The following CDH23 variants were observed in gnomAD, a reference collection of about 807,000 sequenced individuals.
CDH23 encodes the protein cadherin related 23, also known as cadherin-23.
A neutral mutation model predicts 317.1 loss-of-function variants in CDH23; 189 were observed. The ratio of observed to expected loss-of-function variants is 0.60; its 90% CI spans 0.53 to 0.67. The LOEUF is 0.67. Among genes scored for constraint, CDH23 ranks in the 30% least tolerant of loss-of-function variants. The pLI is 0.00. For synonymous variants in CDH23, 1,839 were observed against 1,876.8 expected, an observed-to-expected ratio of 0.98 and a Z score of 0.52; for missense variants, 4,401 against 4,592.4, an observed-to-expected ratio of 0.96 and a Z score of 1.20.
intron 44 of CDH23, among the ~76,000 whole-genome samples, chr10:71,788,150 C>T (rs1463706813): frequency 3.9e-5 from 6 of 152,248 alleles, no homozygotes; most frequent in Admixed American, 1.3e-4. Context: ...TGGGTTCAAG[C>T]GATTCTCCTG....
At chr10:71,542,859 G>C (rs1856059594) in intron 6 of CDH23, among the ~76,000 whole-genome samples, 1 of 152,242 alleles carries the variant, frequency 6.6e-6, no homozygotes, top group Middle Eastern at 3.2e-3. Context: ...GGTTCTTCGA[G>C]GCTCTGAACA....
At chr10:71,704,222 C>T (rs1233232694) in intron 24 of CDH23, among the ~76,000 whole-genome samples, 2 of 152,148 alleles carry the variant, frequency 1.3e-5, no homozygotes, top group Admixed American at 1.3e-4. Flanking sequence ...ATCCAAAACT[C>T]TTATTTTATT....
chr10:71,570,836 T>C lies in CDH23; in HGVS notation c.671T>C (p.Ile224Thr). The change falls in exon 8 of 70, where the codon ATC (isoleucine) becomes ACC (threonine). Residue 224 changes from isoleucine (I) to threonine (T), a missense_variant. Transcript: ENST00000224721. The part of the protein sequence containing the change: ...RPLSTLANLA[I>T]IITDVQDMDP... ...CTGTCCACCCTGGCCAACTTGGCCA[T>C]CATCATCACAGATGTCCAGGACATG... The C allele has an allele frequency of 6.2e-7, 1 of 1,613,970 alleles. No individual in the cohort carries two copies.
rs747293483 is a variant in CDH23 at position 71,785,498 on chromosome 10, G to A, written c.5713-133G>A. On this transcript the variant is annotated intron_variant, in intron 43 of 69. Transcript: ENST00000224721. ...ACTCTCGCCCCGGCGAGACCCTGCC[G>A]ACCCACATTTTTGGCCTTCTAGATC... 5 of 653,854 alleles carry A rather than the reference G, an allele frequency of 7.6e-6. No homozygotes were observed. The South Asian group carries it at 8.9e-5, about 12-fold the overall frequency. 40.5% of individuals were successfully genotyped at this position (653,854 alleles called of 1,614,324 possible). A position where few individuals can be genotyped will look rare whatever the true frequency, so the allele number is the denominator to read the frequency against.
At chr10:71,662,080 G>C (rs188652288) in intron 14 of CDH23, among the ~76,000 whole-genome samples, 1 of 151,422 alleles carries the variant, frequency 6.6e-6, no homozygotes, top group East Asian at 2.0e-4. Flanking sequence ...TATATTTCCC[G>C]CGTGGGACTT....
intron 7 of CDH23, among the ~76,000 whole-genome samples, chr10:71,570,268 C>A (rs976628794): frequency 6.6e-6 from 1 of 152,132 alleles, no homozygotes; most frequent in Non-Finnish European, 1.5e-5. Flanking sequence ...GACACAGGTG[C>A]CAGATTAATC....
At chr10:71,421,249 G>A (rs1012286671) in intron 1 of CDH23, among the ~76,000 whole-genome samples, 3 of 152,176 alleles carry the variant, frequency 2.0e-5, no homozygotes, top group Non-Finnish European at 2.9e-5. Context: ...AGCCAGGAGC[G>A]GTTCCACTCC....
intron 3 of CDH23, among the ~76,000 whole-genome samples, chr10:71,474,900 G>A (rs1851709121): frequency 6.6e-6 from 1 of 152,200 alleles, no homozygotes; most frequent in Non-Finnish European, 1.5e-5. Flanking sequence ...TTCTTTCTGA[G>A]CCTTAGTTTC....
intron 22 of CDH23, among the ~76,000 whole-genome samples, chr10:71,700,092 C>A (rs866576218): frequency 6.6e-6 from 1 of 152,196 alleles, no homozygotes; most frequent in Non-Finnish European, 1.5e-5. Context: ...GGGAGAAAAT[C>A]ATCTCTCCCC....
chr10:71,399,071 C>A (rs775618419), intron 1 of CDH23, among the ~76,000 whole-genome samples: 1 of 152,248 alleles, frequency 6.6e-6, no homozygotes, highest in African/African-American at 2.4e-5. Flanking sequence ...CCCCACTCAA[C>A]AAGCTACCTT....
At chr10:71,771,777 G>A (rs1463736663) in intron 38 of CDH23, among the ~76,000 whole-genome samples, 1 of 152,334 alleles carries the variant, frequency 6.6e-6, no homozygotes, top group East Asian at 1.9e-4. Context: ...TATAGGGGAA[G>A]GCGTCCTGAG....
chr10:71,778,384 G>T, intron 40 of CDH23, 76 bp downstream of exon 40: 1 of 1,573,172 alleles, frequency 6.4e-7, no homozygotes, highest in African/African-American at 1.4e-5. Context: ...TCCGATGCGG[G>T]AAGGGGTTAG....
chr10:71,717,910 T>G (rs1284989413), intron 28 of CDH23: 2 of 152,204 alleles, frequency 1.3e-5, no homozygotes, highest in Non-Finnish European at 2.9e-5. Context: ...CAAAATAATG[T>G]GAAATGAATT....
At chr10:71,491,978 C>T (rs1046367046) in intron 3 of CDH23, among the ~76,000 whole-genome samples, 4 of 152,322 alleles carry the variant, frequency 2.6e-5, no homozygotes, top group East Asian at 1.9e-4. Flanking sequence ...TGCCCTACTG[C>T]GCTGCCCAGC....
chr10:71,540,634 G>C (rs1855936154), intron 6 of CDH23, among the ~76,000 whole-genome samples: 2 of 152,254 alleles, frequency 1.3e-5, no homozygotes, highest in Admixed American at 1.3e-4. Context: ...GATGGGGCTA[G>C]AGAAGGTCAG....
intron 1 of CDH23, among the ~76,000 whole-genome samples, chr10:71,416,501 A>G (rs1044274367): frequency 6.6e-6 from 1 of 152,180 alleles, no homozygotes; most frequent in African/African-American, 2.4e-5. Context: ...TCTTTCAGCC[A>G]GCATTCGTTT....
intron 10 of CDH23, 103 bp downstream of exon 10, chr10:71,615,719 C>T (rs536317629): frequency 8.8e-6 from 7 of 795,274 alleles, no homozygotes; most frequent in Admixed American, 2.2e-5. Flanking sequence ...GTGGTGGCGC[C>T]GGAAGCACTT....
At chr10:71,802,624 G>A (rs554222580) in intron 53 of CDH23, among the ~76,000 whole-genome samples, 1 of 152,314 alleles carries the variant, frequency 6.6e-6, no homozygotes, top group African/African-American at 2.4e-5. Flanking sequence ...TCAGGGCCCA[G>A]GTGCAGATTA....
At chr10:71,406,089 C>G (rs1186457099) in intron 1 of CDH23, among the ~76,000 whole-genome samples, 1 of 150,510 alleles carries the variant, frequency 6.6e-6, no homozygotes, top group Admixed American at 6.6e-5. Context: ...GATCACAGTT[C>G]ATTGCAGCCT....
Sources: allele counts gnomAD v4.1 joint callset (sites outside exome capture counted in the v4.1 genomes callset), GRCh38; gene constraint gnomAD v4.1.1; transcripts MANE v1.5; gene names NCBI Gene and HGNC (gene_info 2026-07-23, HGNC 2026-07-21).